The following CNTROB variants were observed in gnomAD, a reference collection of about 807,000 sequenced individuals.
CNTROB encodes the protein centrobin.
A neutral mutation model predicts 115.7 loss-of-function variants in CNTROB; 82 were observed. The ratio of observed to expected loss-of-function variants is 0.71; its 90% CI spans 0.59 to 0.85. CNTROB has a LOEUF of 0.85. Ranked by LOEUF, CNTROB falls within the 40% of genes least tolerant of loss-of-function variation. The pLI is 0.00. For missense variants in CNTROB, 1,014 were observed against 1,144.4 expected (o/e 0.89, Z 1.64); for synonymous variants, 439 against 456.4 (o/e 0.96, Z 0.49).
At chr17:7,940,074 A>G in intron 8 of CNTROB, 22 bp from the exon 9 acceptor site, 3 of 1,575,080 alleles carry the variant, frequency 1.9e-6, no homozygotes, top group Non-Finnish European at 2.6e-6. Flanking sequence ...GTATGTATAT[A>G]CATTTGATTT....
In CNTROB at chr17:7,943,601, T is replaced by A. The variant is rs1974173546; in HGVS notation, c.1445+77T>A. 3 of 1,484,042 alleles carry A rather than the reference T, an allele frequency of 2.0e-6. No homozygotes were observed. The African/African-American group carries it at 4.2e-5, about 21-fold the overall frequency. The allele number at this position is 1,484,042 out of a possible 1,614,324, so 91.9% of individuals were successfully genotyped here. A position where few individuals can be genotyped will look rare whatever the true frequency, so the allele number is the denominator to read the frequency against. On this transcript the variant is annotated intron_variant, in intron 10 of 18. Coordinates refer to ENST00000563694, the MANE Select transcript of CNTROB (RefSeq NM_053051.5). This position sits in a 1 kb window ranked among gnomAD's most constrained non-coding sequence, Gnocchi z 4.7. ...AGTGCCAGGCCTGTGTTCCCTTCAATCCCTTTGCCATGGTCCAGCACTGTG... is the reference window on the plus strand; with the variant it reads ...AGTGCCAGGCCTGTGTTCCCTTCAAACCCTTTGCCATGGTCCAGCACTGTG...
At chr17:7,938,113 C>T (rs144817320) in intron 7 of CNTROB, among the ~76,000 whole-genome samples, 1 of 150,534 alleles carries the variant, frequency 6.6e-6, no homozygotes, top group Admixed American at 6.6e-5. Flanking sequence ...AGCGATTCTC[C>T]CACCTTAGCC....
At position 7,932,834 on chromosome 17, in the gene CNTROB, AC is replaced by A; in HGVS notation, c.-243del. The A allele has an allele frequency of 3.8e-6, 2 of 530,068 alleles. No individual in the cohort carries two copies. The highest frequency in any genetic ancestry group is 6.7e-6 in the Non-Finnish European group (2 of 299,350). The allele number at this position is 530,068 out of a possible 1,614,324, so 32.8% of individuals were successfully genotyped here. A position where few individuals can be genotyped will look rare whatever the true frequency, so the allele number is the denominator to read the frequency against. On this transcript the variant is annotated 5_prime_UTR_variant, in exon 1 of 19. Transcript: ENST00000563694. ...TCTGTCCGCACCCGCTCTGCGCTGCACCCTCTTAACGCTGTTCCCAGGAGCT... is the reference window on the plus strand; with the variant it reads ...TCTGTCCGCACCCGCTCTGCGCTGCACCTCTTAACGCTGTTCCCAGGAGCT...
Position 7,945,865 on chromosome 17 carries a change from T to C in CNTROB, c.1872T>C (p.Pro624=), listed in dbSNP as rs761659420. The C allele has an allele frequency of 8.1e-6, 13 of 1,614,234 alleles. No homozygotes were observed. The highest frequency in any genetic ancestry group is 1.3e-5 in the African/African-American group (1 of 75,052). The part of the protein sequence containing the change: ...QQSREARDEL[P]GAPPVLCSSS... Reference sequence around the variant, plus strand: ...GCCGGGAAGCAAGGGACGAGCTACCTGGAGCGCCTCCTGTTCTTTGCAGTT... The same window carrying C: ...GCCGGGAAGCAAGGGACGAGCTACCCGGAGCGCCTCCTGTTCTTTGCAGTT... The change falls in exon 13 of 19, where the codon CCT becomes CCC. Residue 624 remains proline (P), a synonymous_variant. Coordinates refer to ENST00000563694, the MANE Select transcript of CNTROB (RefSeq NM_053051.5).
In CNTROB at chr17:7,943,018, G is replaced by A. The variant is rs887339400; in HGVS notation, c.1312-373G>A. ...GGGTTTCACCGTGTTAGCCAAGATG[G>A]TCTCGATCTCCTGACCTCGTGATCC... On this transcript the variant is annotated intron_variant, in intron 9 of 18. Coordinates refer to ENST00000563694, the MANE Select transcript of CNTROB (RefSeq NM_053051.5). This position sits in a 1 kb window ranked among gnomAD's most constrained non-coding sequence, Gnocchi z 4.7. 6.6e-6 allele frequency among the ~76,000 whole-genome samples: 1 copy of A among 151,312 alleles called. No homozygotes were observed. The highest frequency in any genetic ancestry group is 1.5e-5 in the Non-Finnish European group (1 of 67,894).
Position 7,932,962 on chromosome 17 carries a change from T to G in CNTROB, c.-118T>G. The G allele has an allele frequency of 6.3e-6, 7 of 1,112,330 alleles. No homozygotes were observed. The highest frequency in any genetic ancestry group is 2.6e-6 in the Non-Finnish European group (2 of 776,878). The allele number at this position is 1,112,330 out of a possible 1,614,324, so 68.9% of individuals were successfully genotyped here. On this transcript the variant is annotated 5_prime_UTR_variant, in exon 1 of 19. Transcript: ENST00000563694. ...ATATCCTTAATTCACCAAGGATCCT[T>G]GGCGTGGAGTCTTCCTCCCTTCTCC...
chr17:7,936,684 T>C lies in CNTROB; in HGVS notation c.712-17T>C, dbSNP rs773110986. On this transcript the variant is annotated splice_polypyrimidine_tract_variant and intron_variant, in intron 5 of 18. Coordinates refer to ENST00000563694, the MANE Select transcript of CNTROB (RefSeq NM_053051.5). The stretch of plus-strand genomic sequence containing the variant: ...AAAAAGTTATTTTGAAATTTCATCT[T>C]ACTTGCCCTACCTAAGACCCTGGCC... 2.1e-5 allele frequency: 23 copies of C among 1,106,320 alleles called. No individual in the cohort carries two copies. In the Admixed American group the frequency reaches 3.9e-4, roughly 19 times the overall value. The allele number at this position is 1,106,320 out of a possible 1,614,324, so 68.5% of individuals were successfully genotyped here.
At chr17:7,941,945 A>C (rs1225320021) in intron 9 of CNTROB, among the ~76,000 whole-genome samples, 1 of 138,402 alleles carries the variant, frequency 7.2e-6, no homozygotes, top group Non-Finnish European at 1.5e-5. Flanking sequence ...CCTGGGTGAC[A>C]GGAGCGAGAC....
At chr17:7,945,651 T>C (rs1192495871) in intron 12 of CNTROB, 77 bp from the exon 13 acceptor site, 1 of 1,440,544 alleles carries the variant, frequency 6.9e-7, no homozygotes, top group Admixed American at 2.2e-5. Context: ...TATAATCTTA[T>C]TAAAGTGTTT....
At chr17:7,932,121 T>G, upstream of CNTROB, 1 of 492,550 alleles carries the variant, frequency 2.0e-6, no homozygotes, top group Admixed American at 3.5e-5. Context: ...GGCCAGGCGC[T>G]CGGGATACAG....
At chr17:7,938,435 GCTATAT>G (rs1643335642) in intron 7 of CNTROB, among the ~76,000 whole-genome samples, 1 of 152,162 alleles carries the variant, frequency 6.6e-6, no homozygotes, top group South Asian at 2.1e-4. Flanking sequence ...GTCTTAACAG[GCTATAT>G]CTGACAGTCC....
intron 4 of CNTROB, 44 bp downstream of exon 4, chr17:7,935,189 A>G: frequency 1.2e-6 from 2 of 1,611,774 alleles, no homozygotes; most frequent in South Asian, 1.1e-5. Context: ...AAGATTAGAA[A>G]GAGGGGACCC....
Position 7,944,770 on chromosome 17 carries a change from T to C in CNTROB, c.1734+132T>C, listed in dbSNP as rs1430682297. 1 of 1,044,564 alleles carries C rather than the reference T, an allele frequency of 9.6e-7. No homozygotes were observed. Among genetic ancestry groups the C allele is most frequent in the Non-Finnish European group, 1.3e-6 (1 of 747,148 alleles). The allele number at this position is 1,044,564 out of a possible 1,614,324, so 64.7% of individuals were successfully genotyped here. Reference sequence around the variant, plus strand: ...ATAGCTCATTGCAGCCTCGAACTCCTGGGCTCAAGTGATCCTCCCACCTCT... The same window carrying C: ...ATAGCTCATTGCAGCCTCGAACTCCCGGGCTCAAGTGATCCTCCCACCTCT... On this transcript the variant is annotated intron_variant, in intron 12 of 18. Transcript: ENST00000563694. This position sits in a 1 kb window ranked among gnomAD's most constrained non-coding sequence, Gnocchi z 4.0.
Position 7,948,962 on chromosome 17 carries a change from C to G in CNTROB, c.2514-123C>G. 1 of 1,578,018 alleles carries G rather than the reference C, an allele frequency of 6.3e-7. No individual in the cohort carries two copies. Among genetic ancestry groups the G allele is most frequent in the Non-Finnish European group, 8.6e-7 (1 of 1,160,122 alleles). On this transcript the variant is annotated intron_variant, in intron 17 of 18. Transcript: ENST00000563694. This position sits in a 1 kb window ranked among gnomAD's most constrained non-coding sequence, Gnocchi z 4.4. ...CACTAATGTCTCCTCCCAGTTGATG[C>G]CCAGGTCTATCGAGTTTGATCTTAT...
In CNTROB at chr17:7,947,616, C is replaced by T; in HGVS notation, c.2039C>T (p.Ala680Val). The T allele has an allele frequency of 4.3e-6, 7 of 1,613,590 alleles. No homozygotes were observed. Among genetic ancestry groups the T allele is most frequent in the Middle Eastern group, 1.7e-4 (1 of 6,060 alleles). ...GGGGCCTTCCATCCCGATCATAGGGCAGAAAGGCCATTCCCTGAGGAAGAT... is the reference window on the plus strand; with the variant it reads ...GGGGCCTTCCATCCCGATCATAGGGTAGAAAGGCCATTCCCTGAGGAAGAT... ...ALGAFHPDHRAERPFPEEDPG... is the reference protein window; with the variant it reads ...ALGAFHPDHRVERPFPEEDPG... The change falls in exon 14 of 19, where the codon GCA becomes GTA. Residue 680 changes from alanine to valine, a missense_variant. Ala to Val is a moderately conservative substitution (Grantham distance 64). Transcript: ENST00000563694.
intron 6 of CNTROB, 73 bp downstream of exon 6, chr17:7,936,890 C>A: frequency 1.2e-6 from 1 of 820,646 alleles, no homozygotes; most frequent in Non-Finnish European, 2.2e-6. Context: ...AGAAATAGCT[C>A]TGGAATTAGG....
Position 7,939,832 on chromosome 17 carries a change from TG to T in CNTROB, c.1164+88del. On this transcript the variant is annotated intron_variant, in intron 8 of 18. Transcript: ENST00000563694. This position sits in a 1 kb window ranked among gnomAD's most constrained non-coding sequence, Gnocchi z 4.4. ...TTGAATGGGATGGAATGTTAGAATA[TG>T]GGGGATACATATAGGCAGGAATGGA... 1 of 1,332,512 alleles carries T rather than the reference TG, an allele frequency of 7.5e-7. No individual in the cohort carries two copies. Among genetic ancestry groups the T allele is most frequent in the Non-Finnish European group, 1.1e-6 (1 of 934,538 alleles). The allele number at this position is 1,332,512 out of a possible 1,614,324, so 82.5% of individuals were successfully genotyped here. A position where few individuals can be genotyped will look rare whatever the true frequency, so the allele number is the denominator to read the frequency against.
Position 7,944,601 on chromosome 17 carries a change from A to G in CNTROB, c.1697A>G (p.Gln566Arg). The G allele has an allele frequency of 6.2e-7, 1 of 1,613,912 alleles. No individual in the cohort carries two copies. Residue 566 changes from glutamine to arginine, a missense_variant, in exon 12 of 19, where the codon CAG becomes CGG. By Grantham distance (43) the Gln-to-Arg change is conservative. Coordinates refer to ENST00000563694, the MANE Select transcript of CNTROB (RefSeq NM_053051.5). The surrounding 1 kb of genome is among the most constrained non-coding windows in gnomAD (Gnocchi z 4.0). ...CAGGCCCACTGGGATGAGGCCAACC[A>G]GCTGCTCAGCACCACTCTCCCGCCG... ...MLQAHWDEAN[Q>R]LLSTTLPPPN...
chr17:7,947,679 T>A lies in CNTROB; in HGVS notation c.2102T>A (p.Leu701Gln), dbSNP rs1174186560. ...GGGGAGGGCCTCCTAAAGCAAGGGC[T>A]GCCGCCTGCTCAGCTGGAGGGCCTC... ...PDGEGLLKQG[L>Q]PPAQLEGLKN... The change falls in exon 14 of 19, where the codon CTG becomes CAG. Residue 701 changes from leucine to glutamine, a missense_variant. Physicochemically the swap from Leu to Gln is moderately radical, Grantham distance 113. Coordinates refer to ENST00000563694, the MANE Select transcript of CNTROB (RefSeq NM_053051.5). 1.9e-6 allele frequency: 3 copies of A among 1,613,644 alleles called. No homozygotes were observed. Among genetic ancestry groups the A allele is most frequent in the Non-Finnish European group, 2.5e-6 (3 of 1,179,684 alleles).
Sources: allele counts gnomAD v4.1 joint callset (sites outside exome capture counted in the v4.1 genomes callset), GRCh38; gene constraint gnomAD v4.1.1; non-coding constraint Gnocchi (gnomAD v3.1); transcripts MANE v1.5; gene names NCBI Gene and HGNC (gene_info 2026-07-23, HGNC 2026-07-21).